PNPLA7: variants seen among roughly 807,000 people sequenced by gnomAD.
PNPLA7 encodes the protein patatin-like phospholipase domain-containing protein 7.
A neutral mutation model predicts 161.7 loss-of-function variants in PNPLA7; 153 were observed. That is an observed-to-expected ratio of 0.95 (90% CI 0.83 to 1.08). The LOEUF (loss-of-function observed/expected upper bound fraction) is 1.08. Among genes scored for constraint, PNPLA7 ranks in the 50% least tolerant of loss-of-function variants. PNPLA7 has a pLI of 0.00. For missense variants in PNPLA7, 1,739 were observed against 1,856.6 expected, an observed-to-expected ratio of 0.94 and a Z score of 1.16; for synonymous variants, 809 against 782.1, an observed-to-expected ratio of 1.03 and a Z score of -0.57.
Position 137,478,056 on chromosome 9 carries a change from C to T in PNPLA7, c.2860G>A (p.Val954Met), listed in dbSNP as rs1019092469. ...RVLTGNAIAL[V>M]LGGGGARGCA... is the part of the protein sequence containing the mutation. ...CACCTTGCTCCCCCTCCCCCAAGCA[C>T]CAGGGCAATGGCGTTGCCCGTCAGC... The change falls in exon 25 of 35, where the codon GTG becomes ATG. Residue 954 changes from valine (V) to methionine (M), a missense_variant. Coordinates refer to ENST00000406427, the MANE Select transcript of PNPLA7 (RefSeq NM_001098537.3). 4 of 1,434,132 alleles carry T rather than the reference C, an allele frequency of 2.8e-6. No individual in the cohort carries two copies. The highest frequency in any genetic ancestry group is 9.2e-7 in the Non-Finnish European group (1 of 1,090,296). 88.8% of individuals were successfully genotyped at this position (1,434,132 alleles called of 1,614,324 possible).
At chr9:137,463,277 A>G (rs900554078) in intron 29 of PNPLA7, 138 bp downstream of exon 29, 2 of 772,910 alleles carry the variant, frequency 2.6e-6, no homozygotes, top group Non-Finnish European at 4.1e-6. Flanking sequence ...CCAGCCTGAC[A>G]TTTTCCCTTG....
At chr9:137,462,516 C>G in intron 30 of PNPLA7, 169 bp downstream of exon 30, 1 of 1,386,762 alleles carries the variant, frequency 7.2e-7, no homozygotes, top group Non-Finnish European at 9.6e-7. Context: ...CCCGTCCGGC[C>G]TCGTGCCTTC....
chr9:137,463,082 T>C, intron 29 of PNPLA7: 1 of 607,934 alleles, frequency 1.6e-6, no homozygotes, highest in South Asian at 2.1e-5. Context: ...CCCAGCAAGC[T>C]CGACACCTGC....
Position 137,460,399 on chromosome 9 carries a change from G to A in PNPLA7, c.4023C>T (p.Asp1341=), listed in dbSNP as rs376048567. Residue 1341 remains aspartate, a synonymous_variant, in exon 35 of 35, where the codon GAC becomes GAT. Transcript: ENST00000406427. The stretch of plus-strand genomic sequence containing the variant: ...GGCTCTTTAGCAGAGGCCTCTACCC[G>A]TCCTGGTCAGAGGAGCCCTCAGACA... ...PKLSEGSSDQ[D]G The A allele has an allele frequency of 1.1e-5, 17 of 1,612,156 alleles. No individual in the cohort carries two copies. The highest frequency in any genetic ancestry group is 5.0e-5 in the Admixed American group (3 of 59,978).
intron 11 of PNPLA7, chr9:137,516,523 T>C (rs961857605): frequency 2.0e-6 from 2 of 985,178 alleles, no homozygotes; most frequent in African/African-American, 3.5e-5. Context: ...AAAATACACT[T>C]TGAGGCCAGG....
chr9:137,539,774 A>G (rs1224126235), intron 8 of PNPLA7, among the ~76,000 whole-genome samples: 1 of 152,002 alleles, frequency 6.6e-6, no homozygotes, highest in African/African-American at 2.4e-5. Flanking sequence ...ATGATACATG[A>G]TTTTTTGTTT....
rs1206333892 is a variant in PNPLA7, at chr9:137,515,507, C to A, written c.1097G>T (p.Gly366Val). The change falls in exon 12 of 35, where the codon GGC becomes GTC. Residue 366 changes from glycine (G) to valine (V), a missense_variant. Gly to Val is a moderately radical substitution (Grantham distance 109, BLOSUM62 -3). Coordinates refer to ENST00000406427, the MANE Select transcript of PNPLA7 (RefSeq NM_001098537.3). ...QESCDSDHGG[G>V]RPAAAGPLLK... ...CAGGGGCCCAGCAGCTGCCGGGCGG[C>A]CGCCCCCGTGATCTGCTGGGGAGGC... The A allele has an allele frequency of 6.4e-7, 1 of 1,555,918 alleles. No homozygotes were observed. The highest frequency in any genetic ancestry group is 8.7e-7 in the Non-Finnish European group (1 of 1,153,686).
intron 20 of PNPLA7, 119 bp from the exon 21 acceptor site, chr9:137,484,855 G>A (rs979196444): frequency 8.2e-7 from 1 of 1,224,814 alleles, no homozygotes; most frequent in African/African-American, 1.5e-5. Context: ...AGGCCGCCTG[G>A]CCCTCCCGCC....
Position 137,468,597 on chromosome 9 carries a change from A to G in PNPLA7, c.2883-1124T>C, listed in dbSNP as rs1831581401. On this transcript the variant is annotated intron_variant, in intron 25 of 34. Coordinates refer to ENST00000406427, the MANE Select transcript of PNPLA7 (RefSeq NM_001098537.3). This position sits in a 1 kb window ranked among gnomAD's most constrained non-coding sequence, Gnocchi z 4.0. ...TGTCCCCACCGAAATCTCATGTTGAATTTTAATCCTCAGTGTTGGAGGAGG... is the reference window on the plus strand; with the variant it reads ...TGTCCCCACCGAAATCTCATGTTGAGTTTTAATCCTCAGTGTTGGAGGAGG... Among the ~76,000 whole-genome samples the G allele has an allele frequency of 6.6e-6, 1 of 152,072 alleles. No individual in the cohort carries two copies. Among genetic ancestry groups the G allele is most frequent in the South Asian group, 2.1e-4 (1 of 4,802 alleles).
rs749397100 is a variant in PNPLA7, at chr9:137,501,706, G to T, written c.1495C>A (p.Arg499=). ...GCAGGAACGTGCAGAAGCGCCACCC[G>T]GCCATCCAACAGAGATGAGTCCTAA... The part of the protein sequence containing the change: ...KLEDSSLLDG[R]VALLHVPAGT... The change falls in exon 15 of 35, where the codon CGG becomes AGG. Residue 499 remains arginine (R), a synonymous_variant. Transcript: ENST00000406427. The T allele has an allele frequency of 6.2e-7, 1 of 1,612,374 alleles. No individual in the cohort carries two copies. The highest frequency in any genetic ancestry group is 8.5e-7 in the Non-Finnish European group (1 of 1,179,870).
At position 137,461,600 on chromosome 9, in the gene PNPLA7, G is replaced by A; in HGVS notation, c.3777C>T (p.Ala1259=). 1.2e-6 allele frequency: 2 copies of A among 1,612,776 alleles called. No individual in the cohort carries two copies. The highest frequency in any genetic ancestry group is 1.7e-6 in the Non-Finnish European group (2 of 1,179,620). Residue 1259 remains alanine, a synonymous_variant, in exon 33 of 35, where the codon GCC becomes GCT. Coordinates refer to ENST00000406427, the MANE Select transcript of PNPLA7 (RefSeq NM_001098537.3). ...PASAVLTCPN[A]SFTDLAEIVS... The stretch of plus-strand genomic sequence containing the variant: ...CAATTTCGGCAAGGTCCGTGAAGGA[G>A]GCGTTGGGACAGGTGAGGACCTAGG...
chr9:137,535,653 T>C (rs1221848838), intron 8 of PNPLA7, among the ~76,000 whole-genome samples: 4 of 150,176 alleles, frequency 2.7e-5, no homozygotes, highest in African/African-American at 7.4e-5. Flanking sequence ...CTCGGGAGGC[T>C]GAGGCAGGAG....
chr9:137,541,491 G>A lies in PNPLA7; in HGVS notation c.667-769C>T. The stretch of plus-strand genomic sequence containing the variant: ...ACAGGCAGTGCCGGAGCTGGCGTGG[G>A]ATCACAGCCCACTCCCGGGACCACA... On this transcript the variant is annotated intron_variant, in intron 7 of 34. Transcript: ENST00000406427. The surrounding 1 kb of genome is among the most constrained non-coding windows in gnomAD (Gnocchi z 4.4). 1.0e-6 allele frequency: 1 copy of A among 985,462 alleles called. No homozygotes were observed. The highest frequency in any genetic ancestry group is 1.1e-4 in the East Asian group (1 of 8,818). 61.0% of individuals were successfully genotyped at this position (985,462 alleles called of 1,614,324 possible).
At chr9:137,461,376 G>A (rs2132046277) in intron 33 of PNPLA7, 160 bp downstream of exon 33, 8 of 746,174 alleles carry the variant, frequency 1.1e-5, no homozygotes, top group South Asian at 5.7e-5. Flanking sequence ...CGTGGTGCCC[G>A]GGACGGAGGA....
intron 18 of PNPLA7, among the ~76,000 whole-genome samples, chr9:137,496,105 TG>T (rs2132253047): frequency 6.7e-6 from 1 of 149,554 alleles, no homozygotes; most frequent in East Asian, 2.0e-4. Context: ...CCCCACACAC[TG>T]TTTTTTTTTT....
At position 137,461,993 on chromosome 9, in the gene PNPLA7, TGCGGCCC is replaced by T. The variant is rs1470227113; in HGVS notation, c.3687_3693del (p.Trp1229Ter). The T allele has an allele frequency of 6.2e-6, 10 of 1,603,312 alleles. No homozygotes were observed. Among genetic ancestry groups the T allele is most frequent in the Admixed American group, 5.1e-5 (3 of 59,320 alleles). On this transcript the variant is annotated frameshift_variant, in exon 32 of 35. Coordinates refer to ENST00000406427, the MANE Select transcript of PNPLA7 (RefSeq NM_001098537.3). LOFTEE classifies it high-confidence loss of function. ...CGGAGCATCTTCTCCAGCACGCCGC[TGCGGCCC>T]CAGATGTCAAACACCGTGCGCCCGT...
rs76478430 is a variant in PNPLA7 at position 137,547,511 on chromosome 9, G to A, written c.105+74C>T. The A allele has an allele frequency of 0.012, 18,924 of 1,594,860 alleles. 167 individuals carry two copies. The highest frequency in any genetic ancestry group is 0.045 in the Middle Eastern group (273 of 6,028). On this transcript the variant is annotated intron_variant, in intron 2 of 34. Transcript: ENST00000406427. The surrounding 1 kb of genome is among the most constrained non-coding windows in gnomAD (Gnocchi z 4.6). The stretch of plus-strand genomic sequence containing the variant: ...ACAGGCTGGGCAGGAATGAGCCAGG[G>A]GATGGGGACAGGGAGAGGTGAAAAA...
At position 137,472,738 on chromosome 9, in the gene PNPLA7, C is replaced by T. The variant is rs1374462089; in HGVS notation, c.2883-5265G>A. On this transcript the variant is annotated intron_variant, in intron 25 of 34. Transcript: ENST00000406427. ...TTGGGAGGCTGAGGCGGGCAGATCA[C>T]GAGGTCAGGAGTTTGAGACCAGCCT... Among the ~76,000 whole-genome samples the T allele has an allele frequency of 4.1e-5, 6 of 146,122 alleles. No individual in the cohort carries two copies. The East Asian group carries it at 6.0e-4, about 15-fold the overall frequency.
Position 137,463,406 on chromosome 9 carries a change from C to T in PNPLA7, c.3343+9G>A, listed in dbSNP as rs761840926. The stretch of plus-strand genomic sequence containing the variant: ...GCTCCTGCCGGGCGTGGTCCCCCCA[C>T]CGCAGTACCTGGGAGGTTGTTGATG... On this transcript the variant is annotated intron_variant, in intron 29 of 34. Coordinates refer to ENST00000406427, the MANE Select transcript of PNPLA7 (RefSeq NM_001098537.3). 5 of 1,597,472 alleles carry T rather than the reference C, an allele frequency of 3.1e-6. No homozygotes were observed. In the Admixed American group the frequency reaches 6.9e-5, roughly 22 times the overall value.
Sources: allele counts gnomAD v4.1 joint callset (sites outside exome capture counted in the v4.1 genomes callset), GRCh38; gene constraint gnomAD v4.1.1; non-coding constraint Gnocchi (gnomAD v3.1); transcripts MANE v1.5; gene names NCBI Gene and HGNC (gene_info 2026-07-23, HGNC 2026-07-21).